Variants in AGPAT3 observed in about 807,000 individuals in gnomAD.
AGPAT3 encodes the protein 1-acylglycerol-3-phosphate O-acyltransferase 3.
A neutral mutation model predicts 47.3 loss-of-function variants in AGPAT3; 5 were observed. That is an observed-to-expected ratio of 0.11 (90% CI 0.06 to 0.22). AGPAT3 has a LOEUF of 0.22. Ranked by LOEUF, AGPAT3 falls within the 10% of genes least tolerant of loss-of-function variation. The pLI, the probability that AGPAT3 is intolerant of heterozygous loss-of-function variation, is 1.00. For missense variants in AGPAT3, 315 were observed against 493.0 expected, an observed-to-expected ratio of 0.64 and a Z score of 3.42; for synonymous variants, 212 against 208.3, an observed-to-expected ratio of 1.02 and a Z score of -0.15.
chr21:43,933,405 A>G lies in AGPAT3; in HGVS notation c.-48-26229A>G, dbSNP rs1459259081. ...TAGTTTGCCGTAATCCCAGTGGTCTATGTTTGCTTTTGTCGTGTATCTTTT... is the reference window on the plus strand; with the variant it reads ...TAGTTTGCCGTAATCCCAGTGGTCTGTGTTTGCTTTTGTCGTGTATCTTTT... On this transcript the variant is annotated intron_variant, in intron 2 of 9. Coordinates refer to ENST00000291572, the MANE Select transcript of AGPAT3 (RefSeq NM_020132.5). The surrounding 1 kb of genome is among the most constrained non-coding windows in gnomAD (Gnocchi z 6.0). Among the ~76,000 whole-genome samples the G allele has an allele frequency of 1.3e-5, 2 of 151,920 alleles. No individual in the cohort carries two copies. Among genetic ancestry groups the G allele is most frequent in the South Asian group, 2.1e-4 (1 of 4,804 alleles).
Position 43,970,936 on chromosome 21 carries a change from G to A in AGPAT3, c.664+130G>A. 3.6e-6 allele frequency: 4 copies of A among 1,118,640 alleles called. No individual in the cohort carries two copies. Among genetic ancestry groups the A allele is most frequent in the Non-Finnish European group, 4.7e-6 (4 of 843,526 alleles). The allele number at this position is 1,118,640 out of a possible 1,614,324, so 69.3% of individuals were successfully genotyped here. A position where few individuals can be genotyped will look rare whatever the true frequency, so the allele number is the denominator to read the frequency against. ...AACAGAAGTGCAAAAGGAATCAAGT[G>A]AGGGGGTCGGCGCCGCAAGGTTCCC... is the stretch of plus-strand genomic sequence containing the variant. On this transcript the variant is annotated intron_variant, in intron 6 of 9. Coordinates refer to ENST00000291572, the MANE Select transcript of AGPAT3 (RefSeq NM_020132.5). This position sits in a 1 kb window ranked among gnomAD's most constrained non-coding sequence, Gnocchi z 5.8.
chr21:43,974,122 T>G (rs1194048121), intron 7 of AGPAT3, among the ~76,000 whole-genome samples: 3 of 151,878 alleles, frequency 2.0e-5, no homozygotes, highest in Non-Finnish European at 4.4e-5. Context: ...GTAGTATATG[T>G]GATGTGTGCA....
At chr21:43,868,721 C>T (rs2085561340) in intron 1 of AGPAT3, among the ~76,000 whole-genome samples, 2 of 152,282 alleles carry the variant, frequency 1.3e-5, no homozygotes, top group East Asian at 1.9e-4. Context: ...TGTTCTCTTC[C>T]TCATGTCCTA....
rs1007716716 is a variant in AGPAT3 at position 43,970,137 on chromosome 21, T to C, written c.511-516T>C. On this transcript the variant is annotated intron_variant, in intron 5 of 9. Transcript: ENST00000291572. This position sits in a 1 kb window ranked among gnomAD's most constrained non-coding sequence, Gnocchi z 5.8. Reference sequence around the variant, plus strand: ...AGTTCTCCTCTCTCAGCCTCCAAGTTGCTGGGATTACAGGCACTCACCACC... The same window carrying C: ...AGTTCTCCTCTCTCAGCCTCCAAGTCGCTGGGATTACAGGCACTCACCACC... Among the ~76,000 whole-genome samples the C allele has an allele frequency of 3.3e-5, 5 of 151,532 alleles. No individual in the cohort carries two copies. Among genetic ancestry groups the C allele is most frequent in the African/African-American group, 1.2e-4 (5 of 41,180 alleles).
intron 2 of AGPAT3, among the ~76,000 whole-genome samples, chr21:43,944,200 A>G (rs1022977292): frequency 6.6e-6 from 1 of 152,040 alleles, no homozygotes; most frequent in Non-Finnish European, 1.5e-5. Flanking sequence ...GCCCCTCCCC[A>G]CCTCGGAAAT....
chr21:43,964,869 T>C (rs1164685672), intron 3 of AGPAT3: 2 of 152,346 alleles, frequency 1.3e-5, no homozygotes, highest in Non-Finnish European at 2.9e-5. Flanking sequence ...GTCAGAGGTA[T>C]GTGGAAGCCT....
intron 6 of AGPAT3, among the ~76,000 whole-genome samples, chr21:43,971,041 T>C (rs1267709688): frequency 6.6e-6 from 1 of 152,184 alleles, no homozygotes; most frequent in South Asian, 2.1e-4. Flanking sequence ...CAAAACCTTA[T>C]GAAGGGAAAA....
rs545322499 is a variant in AGPAT3, at chr21:43,939,515, C to A, written c.-48-20119C>A. The stretch of plus-strand genomic sequence containing the variant: ...GCGGCCCACCCCACAGCTCTTCCAG[C>A]GTGGGAGCTCTGAACATGGGACCCG... On this transcript the variant is annotated intron_variant, in intron 2 of 9. Coordinates refer to ENST00000291572, the MANE Select transcript of AGPAT3 (RefSeq NM_020132.5). This position sits in a 1 kb window ranked among gnomAD's most constrained non-coding sequence, Gnocchi z 4.4. Among the ~76,000 whole-genome samples, 1 of 152,216 alleles carries A rather than the reference C, an allele frequency of 6.6e-6. No homozygotes were observed. The highest frequency in any genetic ancestry group is 6.5e-5 in the Admixed American group (1 of 15,290).
Position 43,986,554 on chromosome 21 carries a change from C to T in AGPAT3, c.*4162C>T, listed in dbSNP as rs1165976415. The stretch of plus-strand genomic sequence containing the variant: ...ACAATGAAGAAATGCATCTGATCTA[C>T]TTGTATTTATTGTCTCAGAATTGTA... On this transcript the variant is annotated 3_prime_UTR_variant, in exon 10 of 10. Coordinates refer to ENST00000291572, the MANE Select transcript of AGPAT3 (RefSeq NM_020132.5). The T allele has an allele frequency of 6.6e-6, 1 of 152,664 alleles. No individual in the cohort carries two copies. Among genetic ancestry groups the T allele is most frequent in the Admixed American group, 6.5e-5 (1 of 15,284 alleles). 9.5% of individuals were successfully genotyped at this position (152,664 alleles called of 1,614,324 possible).
chr21:43,975,051 C>T (rs2089554731), intron 7 of AGPAT3, among the ~76,000 whole-genome samples: 1 of 151,838 alleles, frequency 6.6e-6, no homozygotes, highest in African/African-American at 2.4e-5. Flanking sequence ...GTGTGTTGTG[C>T]ACTCGCATGT....
intron 2 of AGPAT3, chr21:43,925,570 G>A (rs765565366): frequency 5.2e-5 from 8 of 152,402 alleles, no homozygotes; most frequent in Non-Finnish European, 1.0e-4. Context: ...TGGGGTCCTG[G>A]TCTCAGACCC....
At chr21:43,884,781 C>T (rs1178942314) in intron 1 of AGPAT3, among the ~76,000 whole-genome samples, 1 of 151,852 alleles carries the variant, frequency 6.6e-6, no homozygotes, top group African/African-American at 2.4e-5. Flanking sequence ...GTGCTGGGTA[C>T]TGGGTGCTCT....
Position 43,930,369 on chromosome 21 carries a change from G to A in AGPAT3, c.-49+26350G>A, listed in dbSNP as rs1456329300. Among the ~76,000 whole-genome samples the A allele has an allele frequency of 3.3e-5, 5 of 152,156 alleles. No individual in the cohort carries two copies. The highest frequency in any genetic ancestry group is 5.9e-5 in the Non-Finnish European group (4 of 68,028). On this transcript the variant is annotated intron_variant, in intron 2 of 9. Coordinates refer to ENST00000291572, the MANE Select transcript of AGPAT3 (RefSeq NM_020132.5). This position sits in a 1 kb window ranked among gnomAD's most constrained non-coding sequence, Gnocchi z 5.0. ...TATTTTCAGAGGCAGTGGAGCTAGC[G>A]GGGCAGAGCTGTGCTGAGCGCTGAG...
intron 1 of AGPAT3, chr21:43,867,140 C>T (rs1215630219): frequency 6.6e-6 from 1 of 152,304 alleles, no homozygotes; most frequent in Non-Finnish European, 1.5e-5. Context: ...CTGCCGTAGA[C>T]ACGTGACTGA....
intron 1 of AGPAT3, among the ~76,000 whole-genome samples, chr21:43,866,880 G>A (rs1236523747): frequency 6.6e-6 from 1 of 152,202 alleles, no homozygotes; most frequent in Non-Finnish European, 1.5e-5. Context: ...GCAGCCTGAA[G>A]ACTGCTGGGT....
At chr21:43,884,891 G>A (rs1284907027) in intron 1 of AGPAT3, among the ~76,000 whole-genome samples, 7 of 152,208 alleles carry the variant, frequency 4.6e-5, no homozygotes, top group Non-Finnish European at 8.8e-5. Context: ...TGCTGCTTGT[G>A]TAATTGTCTC....
intron 8 of AGPAT3, among the ~76,000 whole-genome samples, chr21:43,979,773 C>T (rs1398909532): frequency 6.6e-6 from 1 of 152,158 alleles, no homozygotes; most frequent in Non-Finnish European, 1.5e-5. Context: ...CCAGGACACT[C>T]GGGGACATTC....
intron 1 of AGPAT3, among the ~76,000 whole-genome samples, chr21:43,902,075 C>G (rs2086370279): frequency 6.6e-6 from 1 of 152,130 alleles, no homozygotes; most frequent in African/African-American, 2.4e-5. Context: ...CAACAAATCT[C>G]AAACCGAAGA....
chr21:43,926,985 A>T (rs1465241400), intron 2 of AGPAT3, among the ~76,000 whole-genome samples: 2 of 149,030 alleles, frequency 1.3e-5, no homozygotes, highest in Admixed American at 6.7e-5. Context: ...TCTCAAAAAA[A>T]AAAAAAAAAA....
Sources: gnomAD v4.1 joint callset for allele counts (sites outside exome capture counted in the v4.1 genomes callset) on GRCh38, gnomAD v4.1.1 for gene constraint, Gnocchi (gnomAD v3.1) non-coding constraint, MANE v1.5 for transcripts, NCBI Gene and HGNC (gene_info 2026-07-23, HGNC 2026-07-21) for gene names.